CTNNA2: variants seen among roughly 807,000 people sequenced by gnomAD.
CTNNA2 encodes the protein catenin alpha-2.
A neutral mutation model predicts 101.0 loss-of-function variants in CTNNA2; 42 were observed. The ratio of observed to expected loss-of-function variants is 0.42; its 90% CI spans 0.32 to 0.54. The LOEUF is 0.54. Among genes scored for constraint, CTNNA2 ranks in the 20% least tolerant of loss-of-function variants. The probability of loss-of-function intolerance (pLI) is 0.14; values close to 1 mark genes in which losing one functional copy is unlikely to be tolerated. For missense variants in CTNNA2, 871 were observed against 1,223.1 expected (o/e 0.71, Z 4.29); for synonymous variants, 450 against 456.4 (o/e 0.99, Z 0.18).
chr2:79,975,031 T>C (rs1690736933), intron 7 of CTNNA2, among the ~76,000 whole-genome samples: 1 of 152,150 alleles, frequency 6.6e-6, no homozygotes, highest in Non-Finnish European at 1.5e-5. Context: ...GCTGGTGAGC[T>C]TGGAACACGG....
intron 7 of CTNNA2, among the ~76,000 whole-genome samples, chr2:80,196,477 A>T (rs1274177813): frequency 2.0e-5 from 3 of 152,104 alleles, no homozygotes; most frequent in Admixed American, 2.0e-4. Context: ...CCCTATTTTA[A>T]TCTCTTGGCA....
chr2:79,468,298 G>C (rs1322898476), intron 4 of CTNNA2, among the ~76,000 whole-genome samples: 3 of 152,138 alleles, frequency 2.0e-5, no homozygotes, highest in Non-Finnish European at 2.9e-5. Context: ...TTACAGAATG[G>C]TAAAGGGATG....
rs144169706 is a variant in CTNNA2 at position 80,423,181 on chromosome 2, G to T, written c.1290+3580G>T. 4.3e-3 allele frequency among the ~76,000 whole-genome samples: 648 copies of T among 151,854 alleles called. 6 individuals are homozygous for T. Among genetic ancestry groups the T allele is most frequent in the African/African-American group, 0.014 (593 of 41,444 alleles). On this transcript the variant is annotated intron_variant, in intron 9 of 18. Transcript: ENST00000402739. ...TTTGTATTCTATTTTATTTATCTCTGCTCTCTTTATAGTTCTTTTTGGTTT... is the reference window on the plus strand; with the variant it reads ...TTTGTATTCTATTTTATTTATCTCTTCTCTCTTTATAGTTCTTTTTGGTTT...
At chr2:80,508,929 C>A (rs1270032543) in intron 9 of CTNNA2, among the ~76,000 whole-genome samples, 2 of 152,114 alleles carry the variant, frequency 1.3e-5, no homozygotes, top group Non-Finnish European at 2.9e-5. Context: ...TTTTATTCTT[C>A]TTCTTTTTCG....
chr2:79,873,942 G>T (rs1409843040), intron 5 of CTNNA2, 134 bp from the exon 6 acceptor site: 1 of 1,371,544 alleles, frequency 7.3e-7, no homozygotes, highest in Admixed American at 2.5e-5. Context: ...ATATGCAAAG[G>T]CCTGGCAGCT....
Position 79,301,469 on chromosome 2 carries a change from G to A in CTNNA2, c.-405-11240G>A, listed in dbSNP as rs555535938. Among the ~76,000 whole-genome samples, 76 of 152,248 alleles carry A rather than the reference G, an allele frequency of 5.0e-4. No individual in the cohort carries two copies. In the Middle Eastern group the frequency reaches 0.017, roughly 34 times the overall value. On this transcript the variant is annotated intron_variant, in intron 2 of 21. Coordinates refer to the CTNNA2 transcript ENST00000466387. ...GGATCAGATAAGATGATTACTGTTG[G>A]CCCAAGCCATGGTCTTAGGCAGAAG... is the stretch of plus-strand genomic sequence containing the variant.
At chr2:79,758,028 T>C (rs1374352716) in intron 3 of CTNNA2, among the ~76,000 whole-genome samples, 1 of 152,160 alleles carries the variant, frequency 6.6e-6, no homozygotes, top group Non-Finnish European at 1.5e-5. Flanking sequence ...AGTTGTAAAG[T>C]TAATGACAAA....
At position 79,288,048 on chromosome 2, in the gene CTNNA2, G is replaced by C. The variant is rs192885693; in HGVS notation, c.-405-24661G>C. 4.0e-3 allele frequency among the ~76,000 whole-genome samples: 611 copies of C among 152,334 alleles called. 5 individuals are homozygous for C. The highest frequency in any genetic ancestry group is 0.012 in the African/African-American group (518 of 41,594). ...GTCACCCCTTTCTTTGACTAGGAAA[G>C]GGAACTCCCTGACCCCTTGCGCTTG... On this transcript the variant is annotated intron_variant, in intron 2 of 21. Transcript: ENST00000466387.
chr2:79,946,152 G>T (rs767621915), intron 7 of CTNNA2, among the ~76,000 whole-genome samples: 1 of 148,084 alleles, frequency 6.8e-6, no homozygotes, highest in Non-Finnish European at 1.5e-5. Flanking sequence ...TCCCCTCCCA[G>T]GGGAGAGAAC....
chr2:79,764,956 T>G (rs1029148886), intron 3 of CTNNA2, among the ~76,000 whole-genome samples: 1 of 152,106 alleles, frequency 6.6e-6, no homozygotes, highest in Non-Finnish European at 1.5e-5. Flanking sequence ...TGGAATTCAG[T>G]ATGCATATGT....
intron 3 of CTNNA2, among the ~76,000 whole-genome samples, chr2:79,361,795 A>G (rs1302108725): frequency 1.2e-4 from 18 of 152,122 alleles, no homozygotes; most frequent in Non-Finnish European, 2.6e-4. Context: ...AGCATGGGAG[A>G]AAGATATAGG....
intron 4 of CTNNA2, among the ~76,000 whole-genome samples, chr2:79,446,151 T>A (rs1678830622): frequency 6.6e-6 from 1 of 151,992 alleles, no homozygotes; most frequent in African/African-American, 2.4e-5. Flanking sequence ...AAGAGGTCCC[T>A]GAGATCGGAG....
At chr2:80,427,107 G>A (rs1274107549) in intron 9 of CTNNA2, among the ~76,000 whole-genome samples, 1 of 151,944 alleles carries the variant, frequency 6.6e-6, no homozygotes, top group East Asian at 1.9e-4. Flanking sequence ...GCATATAGCA[G>A]GTATTCAAGA....
intron 15 of CTNNA2, among the ~76,000 whole-genome samples, chr2:80,590,289 G>C (rs1696356958): frequency 6.6e-6 from 1 of 152,150 alleles, no homozygotes; most frequent in African/African-American, 2.4e-5. Flanking sequence ...CAGGTGATTT[G>C]GGGGCAAGTC....
chr2:79,812,770 A>C (rs1677152540), intron 3 of CTNNA2, among the ~76,000 whole-genome samples: 1 of 152,120 alleles, frequency 6.6e-6, no homozygotes, highest in Admixed American at 6.6e-5. Context: ...CTAGTCCCCA[A>C]CCTGAGAGAC....
chr2:80,121,619 G>A (rs897295390), intron 7 of CTNNA2, among the ~76,000 whole-genome samples: 5 of 152,104 alleles, frequency 3.3e-5, no homozygotes, highest in East Asian at 1.9e-4. Context: ...GTGGAGTTTC[G>A]TGATTCTCCC....
At chr2:80,148,948 T>G (rs906595930) in intron 7 of CTNNA2, among the ~76,000 whole-genome samples, 2 of 151,978 alleles carry the variant, frequency 1.3e-5, no homozygotes, top group Non-Finnish European at 2.9e-5. Context: ...TCATTAGCAC[T>G]GCTGACCAAA....
chr2:79,257,075 C>T (rs1472514845), intron 2 of CTNNA2, among the ~76,000 whole-genome samples: 4 of 152,014 alleles, frequency 2.6e-5, no homozygotes, highest in African/African-American at 7.2e-5. Context: ...CAAGACTGAC[C>T]GTAAGTTAAA....
chr2:79,453,203 C>G (rs950495596), intron 4 of CTNNA2, among the ~76,000 whole-genome samples: 1 of 152,056 alleles, frequency 6.6e-6, no homozygotes, highest in South Asian at 2.1e-4. Flanking sequence ...TATATAAATA[C>G]TATGTACACT....
Sources: gnomAD v4.1 joint callset for allele counts (sites outside exome capture counted in the v4.1 genomes callset) on GRCh38, gnomAD v4.1.1 for gene constraint, MANE v1.5 for transcripts, NCBI Gene and HGNC (gene_info 2026-07-23, HGNC 2026-07-21) for gene names.